The following CACNA2D1 variants were observed in gnomAD, a reference collection of about 807,000 sequenced individuals.
CACNA2D1 encodes the protein voltage-dependent calcium channel subunit alpha-2/delta-1.
In CACNA2D1, 53 loss-of-function variants were observed where a neutral mutation model predicts 171.5. The ratio of observed to expected loss-of-function variants is 0.31; its 90% CI spans 0.25 to 0.39. CACNA2D1 has a LOEUF of 0.39. CACNA2D1 is among the 10% of genes least tolerant of loss of function. The pLI, the probability that CACNA2D1 is intolerant of heterozygous loss-of-function variation, is 1.00. For synonymous variants in CACNA2D1, 442 were observed against 443.1 expected (o/e 1.00, Z 0.03); for missense variants, 903 against 1,299.8 (o/e 0.69, Z 4.69).
At chr7:82,108,479 C>T (rs973563812) in intron 6 of CACNA2D1, among the ~76,000 whole-genome samples, 4 of 152,150 alleles carry the variant, frequency 2.6e-5, no homozygotes, top group Admixed American at 6.5e-5. Context: ...CCAAGTATCA[C>T]ATCACATTGG....
intron 6 of CACNA2D1, among the ~76,000 whole-genome samples, chr7:82,103,477 CAT>C (rs1812935998): frequency 6.6e-6 from 1 of 152,082 alleles, no homozygotes; most frequent in Admixed American, 6.6e-5. Flanking sequence ...CATTTTTTTA[CAT>C]AGAGTCCTAA....
intron 3 of CACNA2D1, among the ~76,000 whole-genome samples, chr7:82,206,475 T>G (rs1162543634): frequency 6.6e-6 from 1 of 152,134 alleles, no homozygotes; most frequent in African/African-American, 2.4e-5. Context: ...GTAGCAATAC[T>G]ACCACTGCTA....
At chr7:82,313,671 C>T (rs1213034348) in intron 3 of CACNA2D1, among the ~76,000 whole-genome samples, 4 of 152,228 alleles carry the variant, frequency 2.6e-5, no homozygotes, top group Admixed American at 2.0e-4. Context: ...TTCTGTATGA[C>T]TTCTCTGCAC....
intron 15 of CACNA2D1, among the ~76,000 whole-genome samples, chr7:82,010,841 GAA>G: frequency 6.6e-6 from 1 of 152,164 alleles, no homozygotes; most frequent in East Asian, 1.9e-4. Flanking sequence ...ATTACATTTG[GAA>G]AAGTAGTAAG....
chr7:82,254,900 G>A (rs1806110263), intron 3 of CACNA2D1, among the ~76,000 whole-genome samples: 1 of 152,080 alleles, frequency 6.6e-6, no homozygotes, highest in African/African-American at 2.4e-5. Flanking sequence ...ACATTCCAGA[G>A]CCAGTCTTTC....
At chr7:82,272,568 T>C (rs913328278) in intron 3 of CACNA2D1, among the ~76,000 whole-genome samples, 10 of 152,120 alleles carry the variant, frequency 6.6e-5, no homozygotes, top group Admixed American at 2.6e-4. Flanking sequence ...TTAGCTACCA[T>C]GGTTAGGTGT....
intron 1 of CACNA2D1, among the ~76,000 whole-genome samples, chr7:82,441,930 G>T (rs1034114945): frequency 6.6e-5 from 10 of 152,174 alleles, no homozygotes; most frequent in African/African-American, 2.4e-4. Flanking sequence ...TCCTTAGGGT[G>T]ATTCTTACTC....
chr7:82,428,906 A>C (rs1335667988), intron 1 of CACNA2D1, among the ~76,000 whole-genome samples: 2 of 152,200 alleles, frequency 1.3e-5, no homozygotes, highest in Non-Finnish European at 2.9e-5. Context: ...GCATAGACTC[A>C]TATGGTTCTG....
At chr7:81,977,437 C>G (rs1449184736) in intron 24 of CACNA2D1, among the ~76,000 whole-genome samples, 1 of 152,076 alleles carries the variant, frequency 6.6e-6, no homozygotes, top group Non-Finnish European at 1.5e-5. Context: ...AATAACGCCA[C>G]ACATCTACAA....
At chr7:82,208,671 C>A (rs1292515407) in intron 3 of CACNA2D1, among the ~76,000 whole-genome samples, 1 of 152,068 alleles carries the variant, frequency 6.6e-6, no homozygotes, top group Non-Finnish European at 1.5e-5. Context: ...TATAAGCATT[C>A]ATTATCATTA....
At chr7:82,243,316 G>C (rs1445462711) in intron 3 of CACNA2D1, among the ~76,000 whole-genome samples, 3 of 152,052 alleles carry the variant, frequency 2.0e-5, no homozygotes, top group Non-Finnish European at 4.4e-5. Flanking sequence ...TTCTAAACAA[G>C]AAAAGAATCC....
intron 25 of CACNA2D1, among the ~76,000 whole-genome samples, chr7:81,973,494 T>C (rs1431277484): frequency 6.6e-6 from 1 of 151,968 alleles, no homozygotes; most frequent in East Asian, 1.9e-4. Flanking sequence ...CTTTGCCTTT[T>C]TGATAACTGA....
chr7:82,094,680 C>T (rs1437024811), intron 6 of CACNA2D1, among the ~76,000 whole-genome samples: 2 of 91,876 alleles, frequency 2.2e-5, no homozygotes. Context: ...CCCACAAAAC[C>T]TTAGATTTTT....
At position 82,308,234 on chromosome 7, in the gene CACNA2D1, T is replaced by C. The variant is rs999701287; in HGVS notation, c.294+26901A>G. Among the ~76,000 whole-genome samples the C allele has an allele frequency of 3.3e-5, 5 of 152,196 alleles. No individual in the cohort carries two copies. The South Asian group carries it at 1.0e-3, about 31-fold the overall frequency. Reference sequence around the variant, plus strand: ...TCTTCTACCCAGTTCCCTTTAATCATTGATTGTTCCCCCTTCAAACCCATA... The same window carrying C: ...TCTTCTACCCAGTTCCCTTTAATCACTGATTGTTCCCCCTTCAAACCCATA... On this transcript the variant is annotated intron_variant, in intron 3 of 38. Coordinates refer to ENST00000356860, the MANE Select transcript of CACNA2D1 (RefSeq NM_000722.4).
chr7:81,973,495 T>C (rs1795509858), intron 25 of CACNA2D1, among the ~76,000 whole-genome samples: 1 of 151,976 alleles, frequency 6.6e-6, no homozygotes, highest in Non-Finnish European at 1.5e-5. Context: ...TTTGCCTTTT[T>C]GATAACTGAT....
chr7:82,442,495 G>A (rs1170100407), intron 1 of CACNA2D1, among the ~76,000 whole-genome samples: 2 of 152,174 alleles, frequency 1.3e-5, no homozygotes, highest in African/African-American at 4.8e-5. Context: ...CATTGAGTTT[G>A]ATTCTATTTT....
intron 2 of CACNA2D1, among the ~76,000 whole-genome samples, chr7:82,336,757 A>G (rs1300339956): frequency 6.6e-6 from 1 of 152,220 alleles, no homozygotes; most frequent in African/African-American, 2.4e-5. Context: ...GATTTGAGGT[A>G]CAAACAGATA....
At chr7:82,025,222 A>T (rs1376017953) in intron 12 of CACNA2D1, among the ~76,000 whole-genome samples, 2 of 151,704 alleles carry the variant, frequency 1.3e-5, no homozygotes, top group African/African-American at 4.8e-5. Context: ...GAAACTGTAG[A>T]TCACTTTGGG....
intron 1 of CACNA2D1, among the ~76,000 whole-genome samples, chr7:82,380,578 A>G (rs891406530): frequency 9.9e-5 from 15 of 152,100 alleles, no homozygotes; most frequent in African/African-American, 3.6e-4. Context: ...GACTAATTTC[A>G]CAAAATTATA....
Sources: gnomAD v4.1 joint callset for allele counts (sites outside exome capture counted in the v4.1 genomes callset) on GRCh38, gnomAD v4.1.1 for gene constraint, MANE v1.5 for transcripts, NCBI Gene and HGNC (gene_info 2026-07-23, HGNC 2026-07-21) for gene names.